STAG1: variants seen among roughly 807,000 people sequenced by gnomAD.
The protein encoded by STAG1 is STAG1 cohesin complex component.
In STAG1, 26 loss-of-function variants were observed where a neutral mutation model predicts 170.9. The observed-to-expected ratio is 0.15, with a 90% confidence interval of 0.11 to 0.21. STAG1 has a LOEUF of 0.21. STAG1 is among the 10% of genes least tolerant of loss of function. The pLI is 1.00. For missense variants in STAG1, 964 were observed against 1,509.5 expected, an observed-to-expected ratio of 0.64 and a Z score of 5.99; for synonymous variants, 514 against 497.7, an observed-to-expected ratio of 1.03 and a Z score of -0.44.
intron 1 of STAG1, among the ~76,000 whole-genome samples, chr3:136,729,949 C>G (rs1049759307): frequency 7.1e-6 from 1 of 140,134 alleles, no homozygotes; most frequent in Admixed American, 8.2e-5. Context: ...AGTGCAGTAG[C>G]GTGATCTCAG....
chr3:136,440,776 G>A (rs2088606890), intron 15 of STAG1, among the ~76,000 whole-genome samples: 1 of 151,946 alleles, frequency 6.6e-6, no homozygotes, highest in Non-Finnish European at 1.5e-5. Flanking sequence ...GACTACTTGA[G>A]CCCAGGAGTT....
intron 31 of STAG1, among the ~76,000 whole-genome samples, chr3:136,341,054 G>A (rs948372641): frequency 2.6e-5 from 4 of 152,048 alleles, no homozygotes; most frequent in South Asian, 4.1e-4. Flanking sequence ...GATTATAGGC[G>A]CCCACCACCA....
chr3:136,583,206 T>C (rs1937633146), intron 4 of STAG1, among the ~76,000 whole-genome samples: 1 of 152,204 alleles, frequency 6.6e-6, no homozygotes, highest in Non-Finnish European at 1.5e-5. Context: ...TAAGGGATAT[T>C]GTATATGCTT....
chr3:136,416,288 G>T (rs1360652420), intron 21 of STAG1, among the ~76,000 whole-genome samples: 1 of 152,154 alleles, frequency 6.6e-6, no homozygotes, highest in African/African-American at 2.4e-5. Context: ...TTACAGGTGT[G>T]AGCCACCGCG....
chr3:136,430,657 A>G (rs1184569685), intron 16 of STAG1, among the ~76,000 whole-genome samples: 1 of 150,364 alleles, frequency 6.7e-6, no homozygotes, highest in Non-Finnish European at 1.5e-5. Context: ...AAAATATCTC[A>G]TAGTGTTTTA....
intron 6 of STAG1, among the ~76,000 whole-genome samples, chr3:136,530,429 A>G (rs1345078119): frequency 2.6e-5 from 4 of 152,246 alleles, no homozygotes; most frequent in Non-Finnish European, 4.4e-5. Context: ...CTCTGAGATC[A>G]GACAAAATTG....
chr3:136,523,854 C>A (rs762885383), intron 6 of STAG1, among the ~76,000 whole-genome samples: 14 of 152,086 alleles, frequency 9.2e-5, no homozygotes, highest in Non-Finnish European at 1.2e-4. Context: ...AATAGGGAAT[C>A]CTTTCCCCAT....
chr3:136,376,358 A>T (rs1051067567), intron 23 of STAG1, among the ~76,000 whole-genome samples: 1 of 152,220 alleles, frequency 6.6e-6, no homozygotes, highest in African/African-American at 2.4e-5. Context: ...CATATCATGG[A>T]AACAGTACTT....
Position 136,563,378 on chromosome 3 carries a change from T to C in STAG1, c.394+5387A>G, listed in dbSNP as rs111978697. Among the ~76,000 whole-genome samples the C allele has an allele frequency of 1.8e-4, 27 of 152,264 alleles. 1 individual carries two copies. Among genetic ancestry groups the C allele is most frequent in the African/African-American group, 6.3e-4 (26 of 41,556 alleles). On this transcript the variant is annotated intron_variant, in intron 5 of 33. Coordinates refer to ENST00000383202, the MANE Select transcript of STAG1 (RefSeq NM_005862.3). ...TCATTTTTAGGATATTCTCCCTCCATCTTTGTTGATTTTGTTTTCTTGGGG... is the reference window on the plus strand; with the variant it reads ...TCATTTTTAGGATATTCTCCCTCCACCTTTGTTGATTTTGTTTTCTTGGGG...
intron 5 of STAG1, among the ~76,000 whole-genome samples, chr3:136,559,253 T>C (rs1470184341): frequency 6.6e-6 from 1 of 152,122 alleles, no homozygotes; most frequent in Admixed American, 6.5e-5. Context: ...TAAAGCCATA[T>C]AAGCACTTGT....
intron 1 of STAG1, among the ~76,000 whole-genome samples, chr3:136,692,183 A>G (rs892168359): frequency 1.3e-5 from 2 of 151,592 alleles, no homozygotes; most frequent in East Asian, 1.9e-4. Flanking sequence ...GCATGATGGC[A>G]GGTGCCTGTA....
intron 1 of STAG1, among the ~76,000 whole-genome samples, chr3:136,747,412 C>CA (rs1178277836): frequency 2.0e-5 from 3 of 152,062 alleles, no homozygotes; most frequent in African/African-American, 7.2e-5. Flanking sequence ...ACTTCGGCCA[C>CA]ACACACTGGC....
chr3:136,448,933 A>G (rs972402868), intron 14 of STAG1, among the ~76,000 whole-genome samples: 11 of 152,182 alleles, frequency 7.2e-5, no homozygotes, highest in Middle Eastern at 3.4e-3. Flanking sequence ...CCAAAAAAAA[A>G]AGACTCTTTC....
At chr3:136,359,042 A>G (rs2108280953) in intron 27 of STAG1, 106 bp downstream of exon 27, 2 of 974,850 alleles carry the variant, frequency 2.1e-6, no homozygotes, top group Non-Finnish European at 2.9e-6. Context: ...CAAAGTTCTT[A>G]TAACTTAAAA....
intron 21 of STAG1, 34 bp from the exon 22 acceptor site, chr3:136,398,863 A>G: frequency 3.8e-6 from 5 of 1,309,390 alleles, no homozygotes; most frequent in Non-Finnish European, 5.2e-6. Flanking sequence ...TTTTAATGAA[A>G]AATTCAAAAA....
At chr3:136,475,367 G>A (rs1157475188) in intron 10 of STAG1, among the ~76,000 whole-genome samples, 5 of 151,818 alleles carry the variant, frequency 3.3e-5, no homozygotes, top group South Asian at 4.2e-4. Flanking sequence ...GGCTGGTCTC[G>A]AACTCCTGAC....
intron 5 of STAG1, among the ~76,000 whole-genome samples, chr3:136,561,936 T>A (rs753198674): frequency 6.6e-6 from 1 of 152,142 alleles, no homozygotes; most frequent in Non-Finnish European, 1.5e-5. Flanking sequence ...AACATTTACA[T>A]CCGTTTTATC....
intron 1 of STAG1, among the ~76,000 whole-genome samples, chr3:136,649,170 TTTGTTAATTGAAAGGG>T (rs1447062168): frequency 1.3e-5 from 2 of 152,262 alleles, no homozygotes; most frequent in South Asian, 2.1e-4. Flanking sequence ...CACTATTTTG[TTTGTTAATTGAAAGGG>T]TTGTTAATTG....
chr3:136,642,754 T>C (rs1299481174), intron 1 of STAG1, among the ~76,000 whole-genome samples: 2 of 152,190 alleles, frequency 1.3e-5, no homozygotes, highest in African/African-American at 2.4e-5. Flanking sequence ...ACAACAGAAA[T>C]TTATTCTCAC....
Sources: gnomAD v4.1 joint callset for allele counts (sites outside exome capture counted in the v4.1 genomes callset) on GRCh38, gnomAD v4.1.1 for gene constraint, MANE v1.5 for transcripts, NCBI Gene and HGNC (gene_info 2026-07-23, HGNC 2026-07-21) for gene names.